Variants in ABCA8 observed in about 807,000 individuals in gnomAD.
The protein encoded by ABCA8 is ATP binding cassette subfamily A member 8, also known as ABC-type organic anion transporter ABCA8.
ABCA8 carries 177 observed loss-of-function variants against 192.3 expected under a neutral mutation model. The ratio of observed to expected loss-of-function variants is 0.92; its 90% CI spans 0.81 to 1.04. The LOEUF (loss-of-function observed/expected upper bound fraction) is 1.04. Ranked by LOEUF, ABCA8 falls within the 50% of genes least tolerant of loss-of-function variation. The pLI, the probability that ABCA8 is intolerant of heterozygous loss-of-function variation, is 0.00. For synonymous variants in ABCA8, 642 were observed against 690.2 expected, an observed-to-expected ratio of 0.93 and a Z score of 1.09; for missense variants, 1,915 against 1,904.8, an observed-to-expected ratio of 1.01 and a Z score of -0.10.
intron 7 of ABCA8, among the ~76,000 whole-genome samples, chr17:68,931,425 A>G: frequency 6.6e-6 from 1 of 152,156 alleles, no homozygotes; most frequent in East Asian, 1.9e-4. Context: ...TTAAATGGAC[A>G]TTGATGTGTG....
intron 33 of ABCA8, 72 bp from the exon 34 acceptor site, chr17:68,876,775 G>A (rs895847527): frequency 3.1e-5 from 49 of 1,588,806 alleles, no homozygotes; most frequent in Admixed American, 6.7e-5. Context: ...CCAAGCAAGG[G>A]TGGAGAAGCA....
At chr17:68,942,227 G>C (rs912609131) in intron 2 of ABCA8, among the ~76,000 whole-genome samples, 188 bp from the exon 3 acceptor site, 1 of 152,066 alleles carries the variant, frequency 6.6e-6, no homozygotes, top group African/African-American at 2.4e-5. Context: ...TGCAGACTCT[G>C]TTCCATCATT....
At position 68,940,699 on chromosome 17, in the gene ABCA8, C is replaced by A. The variant is rs75002525; in HGVS notation, c.301+59G>T. ...AATACAAATTAAATGTATAAATCTG[C>A]GGTCAAATAAACCAAATATTCACAC... On this transcript the variant is annotated intron_variant, in intron 4 of 39. Transcript: ENST00000586539. 10 of 1,430,730 alleles carry A rather than the reference C, an allele frequency of 7.0e-6. No homozygotes were observed. The African/African-American group carries it at 1.1e-4, about 16-fold the overall frequency. The allele number at this position is 1,430,730 out of a possible 1,614,324, so 88.6% of individuals were successfully genotyped here. A position where few individuals can be genotyped will look rare whatever the true frequency, so the allele number is the denominator to read the frequency against.
chr17:68,953,096 T>A (rs563785740), intron 1 of ABCA8, among the ~76,000 whole-genome samples: 1 of 152,198 alleles, frequency 6.6e-6, no homozygotes, highest in Non-Finnish European at 1.5e-5. Flanking sequence ...ACTAGAGTGC[T>A]TTCAAATGGT....
At chr17:68,869,886 A>G (rs1487719031) in intron 37 of ABCA8, 107 bp from the exon 38 acceptor site, 1 of 758,204 alleles carries the variant, frequency 1.3e-6, no homozygotes, top group East Asian at 2.6e-5. Context: ...TGGTGTTAGG[A>G]ACATTTAACA....
At chr17:68,898,901 C>G (rs777702948) in intron 21 of ABCA8, among the ~76,000 whole-genome samples, 13 of 151,968 alleles carry the variant, frequency 8.6e-5, no homozygotes, top group Non-Finnish European at 1.3e-4. Flanking sequence ...TTTAAACCAG[C>G]AATACATTGG....
intron 1 of ABCA8, among the ~76,000 whole-genome samples, chr17:68,951,309 A>G (rs985725263): frequency 6.6e-6 from 1 of 152,176 alleles, no homozygotes; most frequent in African/African-American, 2.4e-5. Flanking sequence ...TTGATTTCTA[A>G]CAATTATATT....
At chr17:68,918,651 G>T (rs2067450212) in intron 14 of ABCA8, 105 bp from the exon 15 acceptor site, 4 of 1,203,436 alleles carry the variant, frequency 3.3e-6, no homozygotes, top group African/African-American at 1.6e-5. Context: ...CACAAACACT[G>T]GGTCAGGCGC....
At chr17:68,935,479 T>C (rs527684157) in intron 5 of ABCA8, among the ~76,000 whole-genome samples, 1 of 147,660 alleles carries the variant, frequency 6.8e-6, no homozygotes, top group Non-Finnish European at 1.5e-5. Flanking sequence ...TAAAGGGACG[T>C]TCTTAAAATT....
chr17:68,928,878 G>A (rs2067774028), intron 9 of ABCA8, among the ~76,000 whole-genome samples, 171 bp downstream of exon 9: 1 of 151,914 alleles, frequency 6.6e-6, no homozygotes, highest in African/African-American at 2.4e-5. Context: ...TTATTTTGCT[G>A]GGCTAAATAA....
rs138929169 is a variant in ABCA8 at position 68,929,276 on chromosome 17, A to G, written c.940-42T>C. The G allele has an allele frequency of 1.9e-5, 27 of 1,441,660 alleles. No individual in the cohort carries two copies. The African/African-American group carries it at 3.7e-4, about 20-fold the overall frequency. The allele number at this position is 1,441,660 out of a possible 1,614,324, so 89.3% of individuals were successfully genotyped here. A position where few individuals can be genotyped will look rare whatever the true frequency, so the allele number is the denominator to read the frequency against. On this transcript the variant is annotated intron_variant, in intron 8 of 39. Coordinates refer to ENST00000586539, the MANE Select transcript of ABCA8 (RefSeq NM_001288985.2). ...TCTAGTTGGTTTATGTTTCTCTAACATTATTACTAGCATAATAAAATAGAT... is the reference window on the plus strand; with the variant it reads ...TCTAGTTGGTTTATGTTTCTCTAACGTTATTACTAGCATAATAAAATAGAT...
In ABCA8 at chr17:68,928,001, A is replaced by G; in HGVS notation, c.1188T>C (p.Asn396=). 6.2e-7 allele frequency: 1 copy of G among 1,608,624 alleles called. No homozygotes were observed. Among genetic ancestry groups the G allele is most frequent in the Non-Finnish European group, 8.5e-7 (1 of 1,177,914 alleles). ...NAFPHPSDGS[N]LIVATNFMLA... ...ACATGAAATTTGTTGCTACAATGAG[A>G]TTTGAGCCGTCCGATGGATGAGGAA... The change falls in exon 10 of 40, where the codon AAT becomes AAC. Residue 396 remains asparagine, a synonymous_variant. Transcript: ENST00000586539.
At chr17:68,933,630 C>A (rs903251162) in intron 5 of ABCA8, among the ~76,000 whole-genome samples, 7 of 152,098 alleles carry the variant, frequency 4.6e-5, no homozygotes, top group African/African-American at 7.2e-5. Context: ...GTTCACAGAG[C>A]CTAACATGGA....
At chr17:68,953,348 A>G (rs558871671) in intron 1 of ABCA8, among the ~76,000 whole-genome samples, 2 of 152,290 alleles carry the variant, frequency 1.3e-5, no homozygotes, top group Non-Finnish European at 2.9e-5. Flanking sequence ...TGCAGTTTCT[A>G]TGAACTCCTC....
Position 68,921,499 on chromosome 17 carries a change from A to G in ABCA8, c.1502-7T>C. ...TAAATGTCAAATACCAGATCTAGGA[A>G]GAAAAAAAGAAAGGAAAGAAAGATA... On this transcript the variant is annotated splice_region_variant and splice_polypyrimidine_tract_variant and intron_variant, in intron 12 of 39. Transcript: ENST00000586539. 4 of 1,560,676 alleles carry G rather than the reference A, an allele frequency of 2.6e-6. No individual in the cohort carries two copies. The highest frequency in any genetic ancestry group is 3.5e-6 in the Non-Finnish European group (4 of 1,139,840).
chr17:68,872,378 C>T (rs529131562), intron 37 of ABCA8, among the ~76,000 whole-genome samples: 2 of 138,420 alleles, frequency 1.4e-5, no homozygotes, highest in African/African-American at 2.7e-5. Flanking sequence ...GGGAATTGAA[C>T]GAGATCACAT....
chr17:68,869,591 T>C, intron 38 of ABCA8, 109 bp downstream of exon 38: 1 of 813,718 alleles, frequency 1.2e-6, no homozygotes. Context: ...GACTGTAACT[T>C]TAAAATGTAA....
chr17:68,918,166 G>A lies in ABCA8; in HGVS notation c.1928C>T (p.Pro643Leu), dbSNP rs747801610. Residue 643 changes from proline to leucine, a missense_variant, in exon 16 of 40, where the codon CCA becomes CTA. Physicochemically the swap from Pro to Leu is moderately conservative, Grantham distance 98. Coordinates refer to ENST00000586539, the MANE Select transcript of ABCA8 (RefSeq NM_001288985.2). ...GDPQIFLLDE[P>L]TAGLDPFSRH... ...TGAAAAGGGATCCAATCCAGCAGTT[G>A]GTTCATCCAACAGGAAAATCTATAA... 5 of 1,613,908 alleles carry A rather than the reference G, an allele frequency of 3.1e-6. No individual in the cohort carries two copies. The African/African-American group carries it at 5.3e-5, about 17-fold the overall frequency.
intron 24 of ABCA8, among the ~76,000 whole-genome samples, chr17:68,890,886 CT>C (rs1301836608): frequency 2.0e-5 from 3 of 152,120 alleles, no homozygotes; most frequent in East Asian, 1.9e-4. Flanking sequence ...TTCAAGTTAT[CT>C]TTTTTAAAAT....
Sources: gnomAD v4.1 joint callset for allele counts (sites outside exome capture counted in the v4.1 genomes callset) on GRCh38, gnomAD v4.1.1 for gene constraint, MANE v1.5 for transcripts, NCBI Gene and HGNC (gene_info 2026-07-23, HGNC 2026-07-21) for gene names.